The following TEX2 variants were observed in gnomAD, a reference collection of about 807,000 sequenced individuals.
The protein encoded by TEX2 is testis-expressed protein 2.
TEX2 carries 53 observed loss-of-function variants against 106.9 expected under a neutral mutation model. The observed-to-expected ratio is 0.50, with a 90% CI of 0.40 to 0.62. The LOEUF (loss-of-function observed/expected upper bound fraction) is 0.62. Among genes scored for constraint, TEX2 ranks in the 20% least tolerant of loss-of-function variants. The probability of loss-of-function intolerance (pLI) is 0.00; values close to 1 mark genes in which losing one functional copy is unlikely to be tolerated. For synonymous variants in TEX2, 523 were observed against 534.8 expected (o/e 0.98, Z 0.30); for missense variants, 1,207 against 1,379.0 (o/e 0.88, Z 1.98).
rs1235506068 is a variant in TEX2, at chr17:64,153,928, G to A, written c.2931-774C>T. 6.6e-6 allele frequency among the ~76,000 whole-genome samples: 1 copy of A among 152,148 alleles called. No individual in the cohort carries two copies. The highest frequency in any genetic ancestry group is 1.5e-5 in the Non-Finnish European group (1 of 68,036). The stretch of plus-strand genomic sequence containing the variant: ...GGCCTGGGTGACAGAGCAAGATGCT[G>A]TCTCAAGAAAACAAACAAACAAACA... On this transcript the variant is annotated intron_variant, in intron 9 of 11. Transcript: ENST00000584379. This position sits in a 1 kb window ranked among gnomAD's most constrained non-coding sequence, Gnocchi z 4.1.
chr17:64,194,728 C>T (rs1012357403), intron 3 of TEX2, among the ~76,000 whole-genome samples, 167 bp downstream of exon 3: 6 of 152,148 alleles, frequency 3.9e-5, no homozygotes, highest in Non-Finnish European at 8.8e-5. Flanking sequence ...TAACAAGATG[C>T]CCAGGTGATG....
At chr17:64,200,163 T>C (rs1555629919) in intron 2 of TEX2, among the ~76,000 whole-genome samples, 1 of 152,184 alleles carries the variant, frequency 6.6e-6, no homozygotes, top group Non-Finnish European at 1.5e-5. Flanking sequence ...AAAATTAAGA[T>C]AATTAATAGA....
Position 64,213,935 on chromosome 17 carries a change from C to A in TEX2, c.283G>T (p.Ala95Ser). The change falls in exon 2 of 12, where the codon GCA (alanine) becomes TCA (serine). Residue 95 changes from alanine to serine, a missense_variant. Ala to Ser is a moderately conservative substitution (Grantham distance 99). Coordinates refer to ENST00000584379, the MANE Select transcript of TEX2 (RefSeq NM_001288732.2). This position sits in a 1 kb window ranked among gnomAD's most constrained non-coding sequence, Gnocchi z 4.4. Reference protein sequence around the residue: ...PAGPAASPVLADGLSVSQAPA... With the variant: ...PAGPAASPVLSDGLSVSQAPA... Reference sequence around the variant, plus strand: ...GCCTGGGACACGGACAGTCCATCTGCCAGGACAGGCGAGGCAGCAGGGCCG... The same window carrying A: ...GCCTGGGACACGGACAGTCCATCTGACAGGACAGGCGAGGCAGCAGGGCCG... The A allele has an allele frequency of 6.2e-7, 1 of 1,614,184 alleles. No individual in the cohort carries two copies. The highest frequency in any genetic ancestry group is 8.5e-7 in the Non-Finnish European group (1 of 1,180,038).
At chr17:64,156,437 A>G (rs915669927) in intron 8 of TEX2, among the ~76,000 whole-genome samples, 2 of 152,208 alleles carry the variant, frequency 1.3e-5, no homozygotes, top group African/African-American at 4.8e-5. Context: ...GCCATGGGAC[A>G]GCACGTAACT....
At chr17:64,219,574 C>G (rs1011961654) in intron 1 of TEX2, among the ~76,000 whole-genome samples, 1 of 149,310 alleles carries the variant, frequency 6.7e-6, no homozygotes, top group Non-Finnish European at 1.5e-5. Context: ...GAATTACAGG[C>G]AAGCAGACCA....
intron 5 of TEX2, among the ~76,000 whole-genome samples, chr17:64,187,459 T>C (rs2032118596): frequency 6.6e-6 from 1 of 152,054 alleles, no homozygotes; most frequent in Non-Finnish European, 1.5e-5. Context: ...GAGCCTCTCC[T>C]CACCACCTAC....
chr17:64,175,908 G>A (rs1320307064), intron 6 of TEX2, among the ~76,000 whole-genome samples: 1 of 152,182 alleles, frequency 6.6e-6, no homozygotes, highest in Admixed American at 6.5e-5. Flanking sequence ...AAAGAGCAGG[G>A]CCAGCCCTAC....
chr17:64,163,939 G>A (rs1043105228), intron 7 of TEX2, among the ~76,000 whole-genome samples: 1 of 152,164 alleles, frequency 6.6e-6, no homozygotes, highest in Admixed American at 6.5e-5. Context: ...ATAACCATGT[G>A]CCCTGGCTGG....
intron 5 of TEX2, 30 bp downstream of exon 5, chr17:64,188,138 A>G (rs2032146014): frequency 6.3e-7 from 1 of 1,592,314 alleles, no homozygotes; most frequent in Non-Finnish European, 8.5e-7. Context: ...TCGAAAAGTG[A>G]AAAAGGTCCG....
intron 2 of TEX2, among the ~76,000 whole-genome samples, chr17:64,201,702 G>A (rs913682249): frequency 2.0e-5 from 3 of 152,128 alleles, no homozygotes; most frequent in African/African-American, 7.2e-5. Flanking sequence ...GGCAAAGACG[G>A]CACTTCTCCT....
At chr17:64,227,842 G>A (rs1248913512) in intron 1 of TEX2, among the ~76,000 whole-genome samples, 1 of 152,198 alleles carries the variant, frequency 6.6e-6, no homozygotes, top group Non-Finnish European at 1.5e-5. Context: ...AACAACTTAA[G>A]CAAAGCACTG....
rs551661841 is a variant in TEX2 at position 64,232,142 on chromosome 17, T to A, written c.-25-17900A>T. Among the ~76,000 whole-genome samples, 11 of 152,368 alleles carry A rather than the reference T, an allele frequency of 7.2e-5. No individual in the cohort carries two copies. The South Asian group carries it at 2.3e-3, about 32-fold the overall frequency. The stretch of plus-strand genomic sequence containing the variant: ...TAATACAAAATGAAAAGGCAGAATT[T>A]AGGATGATGTACATCACCTAGGTAA... On this transcript the variant is annotated intron_variant, in intron 1 of 11. Transcript: ENST00000584379.
intron 4 of TEX2, among the ~76,000 whole-genome samples, chr17:64,192,592 T>G (rs1212445362): frequency 1.3e-5 from 2 of 152,214 alleles, no homozygotes; most frequent in Non-Finnish European, 2.9e-5. Context: ...CCAGCAGCCC[T>G]AGGAAATAAA....
intron 1 of TEX2, among the ~76,000 whole-genome samples, chr17:64,244,655 CT>C (rs1449587564): frequency 6.6e-6 from 1 of 152,202 alleles, no homozygotes; most frequent in African/African-American, 2.4e-5. Context: ...ACTGTTCCCA[CT>C]GTCCCCTGCC....
chr17:64,209,859 G>T (rs1047731243), intron 2 of TEX2, among the ~76,000 whole-genome samples: 1 of 152,180 alleles, frequency 6.6e-6, no homozygotes, highest in Non-Finnish European at 1.5e-5. Context: ...CCAGTGATCA[G>T]ATCAAAGCAA....
At chr17:64,239,694 G>A (rs2033844384) in intron 1 of TEX2, among the ~76,000 whole-genome samples, 1 of 151,870 alleles carries the variant, frequency 6.6e-6, no homozygotes, top group African/African-American at 2.4e-5. Flanking sequence ...TGGCCAATAT[G>A]GTGAAACCCC....
chr17:64,247,567 C>T (rs147700079), intron 1 of TEX2, among the ~76,000 whole-genome samples: 1 of 152,270 alleles, frequency 6.6e-6, no homozygotes, highest in African/African-American at 2.4e-5. Flanking sequence ...CTGGTTTGAG[C>T]AGTGAGGAGG....
At chr17:64,219,510 A>AACATAAC (rs2033290772) in intron 1 of TEX2, among the ~76,000 whole-genome samples, 3 of 99,230 alleles carry the variant, frequency 3.0e-5, no homozygotes, top group African/African-American at 1.1e-4. Flanking sequence ...CATCTCATCA[A>AACATAAC]ATAAAATAAA....
intron 7 of TEX2, among the ~76,000 whole-genome samples, chr17:64,168,959 C>CG (rs918772674): frequency 5.6e-5 from 8 of 142,416 alleles, no homozygotes; most frequent in African/African-American, 2.1e-4. Flanking sequence ...CTCAGACTCC[C>CG]GAGTAGCTGG....
Sources: allele counts gnomAD v4.1 joint callset (sites outside exome capture counted in the v4.1 genomes callset), GRCh38; gene constraint gnomAD v4.1.1; non-coding constraint Gnocchi (gnomAD v3.1); transcripts MANE v1.5; gene names NCBI Gene and HGNC (gene_info 2026-07-23, HGNC 2026-07-21).